VPS13A: variants seen among roughly 807,000 people sequenced by gnomAD.
VPS13A encodes the protein vacuolar protein sorting 13 homolog A, also known as intermembrane lipid transfer protein VPS13A.
VPS13A carries 264 observed loss-of-function variants against 390.9 expected under a neutral mutation model. That is an observed-to-expected ratio of 0.68 (90% CI 0.61 to 0.75). The LOEUF (loss-of-function observed/expected upper bound fraction) is 0.75, where lower values mean the gene tolerates loss of function less well. Among genes scored for constraint, VPS13A ranks in the 30% least tolerant of loss-of-function variants. The pLI is 0.00. For missense variants in VPS13A, 3,409 were observed against 3,733.9 expected (o/e 0.91, Z 2.27); for synonymous variants, 1,231 against 1,227.1 (o/e 1.00, Z -0.07).
At chr9:77,279,455 G>C (rs960481253) in intron 26 of VPS13A, among the ~76,000 whole-genome samples, 3 of 151,996 alleles carry the variant, frequency 2.0e-5, no homozygotes, top group African/African-American at 4.8e-5. Context: ...TCAATGCTCA[G>C]CTGCTTGTAT....
At chr9:77,301,144 AT>A (rs1448847225) in intron 33 of VPS13A, among the ~76,000 whole-genome samples, 1 of 152,236 alleles carries the variant, frequency 6.6e-6, no homozygotes, top group Non-Finnish European at 1.5e-5. Flanking sequence ...TTTCTTTCTC[AT>A]AGTTTGTCCA....
intron 12 of VPS13A, 53 bp from the exon 13 acceptor site, chr9:77,221,132 A>G (rs912935767): frequency 3.8e-5 from 59 of 1,533,214 alleles, no homozygotes; most frequent in Middle Eastern, 1.7e-4. Context: ...AATGTCAGTA[A>G]TGTTTCATAC....
chr9:77,276,499 A>G (rs538742481), intron 26 of VPS13A, among the ~76,000 whole-genome samples: 3 of 152,352 alleles, frequency 2.0e-5, no homozygotes, highest in East Asian at 3.9e-4. Context: ...TTAGTTTTCT[A>G]TTGTTGCTAT....
At chr9:77,308,941 T>C (rs914340888) in intron 35 of VPS13A, among the ~76,000 whole-genome samples, 3 of 152,134 alleles carry the variant, frequency 2.0e-5, no homozygotes, top group African/African-American at 4.8e-5. Flanking sequence ...ATAATCAAAC[T>C]AGTCCTTTAT....
chr9:77,246,066 C>T (rs2131256418), intron 19 of VPS13A, among the ~76,000 whole-genome samples: 1 of 152,290 alleles, frequency 6.6e-6, no homozygotes, highest in Admixed American at 6.5e-5. Context: ...TGTGAGGACT[C>T]TGCCCCCATG....
intron 69 of VPS13A, among the ~76,000 whole-genome samples, chr9:77,405,252 G>A (rs1222761399): frequency 6.6e-6 from 1 of 152,046 alleles, no homozygotes; most frequent in Non-Finnish European, 1.5e-5. Context: ...ACATCCTGAG[G>A]CCCTCAGCAT....
intron 42 of VPS13A, 119 bp downstream of exon 42, chr9:77,319,792 G>T (rs538424285): frequency 1.6e-5 from 9 of 556,860 alleles, no homozygotes; most frequent in African/African-American, 3.9e-5. Flanking sequence ...GAGATTTCCC[G>T]TATACCACCT....
intron 1 of VPS13A, among the ~76,000 whole-genome samples, chr9:77,197,185 A>G (rs1373852549): frequency 3.3e-5 from 5 of 152,126 alleles, no homozygotes; most frequent in Non-Finnish European, 7.4e-5. Flanking sequence ...TTATGACCTC[A>G]CATATATCCT....
At chr9:77,409,838 T>C (rs1198875479) in intron 71 of VPS13A, among the ~76,000 whole-genome samples, 2 of 150,998 alleles carry the variant, frequency 1.3e-5, no homozygotes, top group East Asian at 2.1e-4. Flanking sequence ...CTGAAAGTGA[T>C]GGGGAGAATG....
chr9:77,177,750 G>A lies in VPS13A; in HGVS notation c.46G>A (p.Gly16Arg). The A allele has an allele frequency of 6.2e-7, 1 of 1,613,690 alleles. No individual in the cohort carries two copies. The highest frequency in any genetic ancestry group is 8.5e-7 in the Non-Finnish European group (1 of 1,179,704). ...CGTGGACGTGTTGAACCGGTTCTTG[G>A]GGGACTATGTGGTGGACTTGGACAC... ...VVVDVLNRFL[G>R]DYVVDLDTSQ... The change falls in exon 1 of 72, where the codon GGG (glycine) becomes AGG (arginine). Residue 16 changes from glycine (G) to arginine (R), a missense_variant. By Grantham distance (125) the Gly-to-Arg change is moderately radical. This residue lies in a region of VPS13A where 2,717 missense variants were observed against 2,917.4 expected (regional missense o/e 0.93). Transcript: ENST00000360280.
At chr9:77,320,708 A>G (rs1414288588) in intron 42 of VPS13A, among the ~76,000 whole-genome samples, 1 of 152,094 alleles carries the variant, frequency 6.6e-6, no homozygotes, top group Non-Finnish European at 1.5e-5. Flanking sequence ...TGTGACTCCT[A>G]AAAAATGGTA....
Position 77,403,236 on chromosome 9 carries a change from G to A in VPS13A, c.9190G>A (p.Val3064Ile), listed in dbSNP as rs1391957248. The A allele has an allele frequency of 6.2e-7, 1 of 1,609,234 alleles. No homozygotes were observed. ...RDGTGNQMLQ[V>I]MENGRFAKYK... The stretch of plus-strand genomic sequence containing the variant: ...ATTGTCTCTCACTTTTTTCTTTTAG[G>A]TCATGGAAAATGGAAGATTTGCAAA... Residue 3064 changes from valine (V) to isoleucine (I), a missense_variant and splice_region_variant, in exon 69 of 72, where the codon GTC (valine) becomes ATC (isoleucine). This residue lies in a region of VPS13A where 318 missense variants were observed against 333.7 expected (regional missense o/e 0.95). Coordinates refer to ENST00000360280, the MANE Select transcript of VPS13A (RefSeq NM_033305.3).
chr9:77,298,468 G>C (rs1210982250), intron 33 of VPS13A, among the ~76,000 whole-genome samples: 1 of 152,118 alleles, frequency 6.6e-6, no homozygotes, highest in Non-Finnish European at 1.5e-5. Context: ...CCAGGAAAAT[G>C]TATTTGAGGC....
At chr9:77,337,954 A>G (rs1426758606) in intron 47 of VPS13A, 1 of 155,676 alleles carries the variant, frequency 6.4e-6, no homozygotes, top group East Asian at 1.9e-4. Flanking sequence ...GGTTTATTTT[A>G]CTTTTAGAAT....
intron 1 of VPS13A, among the ~76,000 whole-genome samples, chr9:77,196,166 A>G (rs1824988324): frequency 6.6e-6 from 1 of 152,150 alleles, no homozygotes; most frequent in Admixed American, 6.5e-5. Flanking sequence ...GATACCTTGC[A>G]TAACGTCAAT....
chr9:77,250,890 C>G (rs1354573165), intron 21 of VPS13A, among the ~76,000 whole-genome samples: 1 of 152,146 alleles, frequency 6.6e-6, no homozygotes, highest in African/African-American at 2.4e-5. Context: ...TCTTTTCGTT[C>G]TGTCATACTG....
At chr9:77,324,727 G>T (rs1038841090) in intron 45 of VPS13A, among the ~76,000 whole-genome samples, 1 of 152,090 alleles carries the variant, frequency 6.6e-6, no homozygotes, top group South Asian at 2.1e-4. Context: ...GTCCAGGCTG[G>T]AGGGCAGTGG....
At position 77,316,230 on chromosome 9, in the gene VPS13A, A is replaced by T. The variant is rs1390079204; in HGVS notation, c.4687A>T (p.Ile1563Phe). 1 of 1,612,992 alleles carries T rather than the reference A, an allele frequency of 6.2e-7. No homozygotes were observed. Among genetic ancestry groups the T allele is most frequent in the East Asian group, 2.2e-5 (1 of 44,834 alleles). ...TAATGTTATTATTAAAAATCCTGAA[A>T]TTGTGTTTGTAGCTGACATGACAAA... ...EINVIIKNPEIVFVADMTKND... is the reference protein window; with the variant it reads ...EINVIIKNPEFVFVADMTKND... The change falls in exon 39 of 72, where the codon ATT becomes TTT. Residue 1563 changes from isoleucine (I) to phenylalanine (F), a missense_variant. By Grantham distance (21) the Ile-to-Phe change is conservative. This residue lies in a region of VPS13A where 2,717 missense variants were observed against 2,917.4 expected (regional missense o/e 0.93). Transcript: ENST00000360280.
intron 55 of VPS13A, 102 bp from the exon 56 acceptor site, chr9:77,357,590 A>T: frequency 8.4e-7 from 1 of 1,190,590 alleles, no homozygotes; most frequent in South Asian, 1.4e-5. Flanking sequence ...AAACTAATAC[A>T]AATATGTAGC....
Sources: gnomAD v4.1 joint callset for allele counts (sites outside exome capture counted in the v4.1 genomes callset) on GRCh38, gnomAD v4.1.1 for gene constraint, gnomAD v4.1.1 regional missense constraint, MANE v1.5 for transcripts, NCBI Gene and HGNC (gene_info 2026-07-23, HGNC 2026-07-21) for gene names.